URI1: variants seen among roughly 807,000 people sequenced by gnomAD.
The protein encoded by URI1 is unconventional prefoldin RPB5 interactor 1.
Under a neutral mutation model 60.2 loss-of-function variants are expected in URI1, and 39 were observed. The observed-to-expected ratio is 0.65, with a 90% CI of 0.50 to 0.85. The LOEUF (loss-of-function observed/expected upper bound fraction) is 0.85, where lower values mean the gene tolerates loss of function less well. Ranked by LOEUF, URI1 falls within the 40% of genes least tolerant of loss-of-function variation. URI1 has a pLI of 0.00. For missense variants in URI1, 691 were observed against 665.9 expected (o/e 1.04, Z -0.42); for synonymous variants, 251 against 236.8 (o/e 1.06, Z -0.55).
At chr19:29,952,235 A>G (rs1427690394) in intron 1 of URI1, among the ~76,000 whole-genome samples, 1 of 152,252 alleles carries the variant, frequency 6.6e-6, no homozygotes. Flanking sequence ...TAAACACAGC[A>G]GTTCTCTTTA....
chr19:29,926,991 CT>C (rs1345862888), intron 1 of URI1, among the ~76,000 whole-genome samples: 1 of 152,158 alleles, frequency 6.6e-6, no homozygotes, highest in Non-Finnish European at 1.5e-5. Flanking sequence ...CAAAGACCAG[CT>C]TGTGGGGGCC....
chr19:29,949,443 G>A (rs1311491140), intron 1 of URI1, among the ~76,000 whole-genome samples: 2 of 152,058 alleles, frequency 1.3e-5, no homozygotes, highest in Non-Finnish European at 2.9e-5. Context: ...GCCGGGCAGA[G>A]GGGCTCCTCA....
chr19:29,980,966 T>A (rs2055590357), intron 2 of URI1, among the ~76,000 whole-genome samples: 2 of 151,548 alleles, frequency 1.3e-5, no homozygotes, highest in African/African-American at 4.8e-5. Context: ...GTATTTGCTG[T>A]CTATTTTAAC....
intron 1 of URI1, among the ~76,000 whole-genome samples, chr19:29,942,899 C>T (rs1422074269): frequency 6.6e-6 from 1 of 152,070 alleles, no homozygotes; most frequent in Non-Finnish European, 1.5e-5. Context: ...GAGCTGAAGG[C>T]GTGCGGCAGC....
upstream of URI1, among the ~76,000 whole-genome samples, chr19:29,939,989 T>C: frequency 6.6e-6 from 1 of 152,196 alleles, no homozygotes; most frequent in East Asian, 1.9e-4. Flanking sequence ...CTGATCCCCT[T>C]TGAAAAGCTC....
upstream of URI1, chr19:29,942,191 G>GGGGCGGGGCCTGCGCGCTTGCTTC: frequency 1.0e-6 from 1 of 983,200 alleles, no homozygotes; most frequent in Non-Finnish European, 1.2e-6. Flanking sequence ...GGGCGTGTCG[G>GGGGCGGGGCCTGCGCGCTTGCTTC]GGGCGGGGCC....
chr19:29,952,541 A>G lies in URI1; in HGVS notation c.117+9877A>G, dbSNP rs187923623. Among the ~76,000 whole-genome samples the G allele has an allele frequency of 3.0e-3, 456 of 152,332 alleles. 2 individuals carry two copies. The highest frequency in any genetic ancestry group is 0.01 in the African/African-American group (425 of 41,570). ...TTTCTTCTAGGACTTAAAACAATACAAAGATAAACCATTACAGAATGCCTG... is the reference window on the plus strand; with the variant it reads ...TTTCTTCTAGGACTTAAAACAATACGAAGATAAACCATTACAGAATGCCTG... On this transcript the variant is annotated intron_variant, in intron 1 of 10. Coordinates refer to ENST00000392271, the MANE Select transcript of URI1 (RefSeq NM_003796.3).
At chr19:29,990,261 T>A (rs993907069) in intron 4 of URI1, among the ~76,000 whole-genome samples, 1 of 152,204 alleles carries the variant, frequency 6.6e-6, no homozygotes, top group African/African-American at 2.4e-5. Flanking sequence ...TTGGTGAGGA[T>A]GTGAAAAAAT....
intron 4 of URI1, among the ~76,000 whole-genome samples, chr19:29,999,615 G>A (rs2055853426): frequency 6.6e-6 from 1 of 151,788 alleles, no homozygotes; most frequent in Admixed American, 6.6e-5. Flanking sequence ...TCTCTTTGTT[G>A]TTGTTCAACA....
chr19:29,961,527 A>G lies in URI1; in HGVS notation c.118-9666A>G, dbSNP rs569366067. 4.6e-5 allele frequency among the ~76,000 whole-genome samples: 7 copies of G among 152,252 alleles called. No individual in the cohort carries two copies. In the South Asian group the frequency reaches 1.5e-3, roughly 32 times the overall value. On this transcript the variant is annotated intron_variant, in intron 1 of 10. Transcript: ENST00000392271. ...GCTGAATAATATTCCATTGTATTAT[A>G]GAATGTATTATGCAGTGTATTATAC...
intron 4 of URI1, among the ~76,000 whole-genome samples, chr19:29,998,773 T>G (rs149990575): frequency 3.9e-5 from 6 of 152,296 alleles, no homozygotes; most frequent in Non-Finnish European, 7.4e-5. Flanking sequence ...TGCCAATTTA[T>G]GCTTTTTGAT....
At position 30,012,493 on chromosome 19, in the gene URI1, A is replaced by G; in HGVS notation, c.1387A>G (p.Asn463Asp). The G allele has an allele frequency of 6.2e-7, 1 of 1,614,200 alleles. No homozygotes were observed. The highest frequency in any genetic ancestry group is 8.5e-7 in the Non-Finnish European group (1 of 1,180,022). The part of the protein sequence containing the change: ...ESILEEEPQE[N>D]QKKLLPLSVT... Reference sequence around the variant, plus strand: ...CATTTTGGAAGAGGAACCACAAGAAAATCAAAAGAAACTTTTGCCCTTATC... The same window carrying G: ...CATTTTGGAAGAGGAACCACAAGAAGATCAAAAGAAACTTTTGCCCTTATC... The change falls in exon 10 of 11, where the codon AAT becomes GAT. Residue 463 changes from asparagine (N) to aspartate (D), a missense_variant. Asn to Asp is a conservative substitution (Grantham distance 23). Coordinates refer to ENST00000392271, the MANE Select transcript of URI1 (RefSeq NM_003796.3).
At chr19:29,946,469 A>G (rs772827590) in intron 1 of URI1, among the ~76,000 whole-genome samples, 17 of 152,196 alleles carry the variant, frequency 1.1e-4, no homozygotes, top group Admixed American at 5.9e-4. Context: ...TGGATCCAGT[A>G]TCGTTTTTAT....
At chr19:29,989,667 C>T (rs1171442260) in intron 4 of URI1, among the ~76,000 whole-genome samples, 2 of 152,064 alleles carry the variant, frequency 1.3e-5, no homozygotes, top group South Asian at 2.1e-4. Flanking sequence ...ATGATCTGTC[C>T]GCCTTGTGGT....
chr19:29,999,057 A>G (rs995099883), intron 4 of URI1, among the ~76,000 whole-genome samples: 8 of 152,136 alleles, frequency 5.3e-5, no homozygotes, highest in African/African-American at 1.2e-4. Flanking sequence ...CTTAACTTCA[A>G]TCACATACAG....
rs183706728 is a variant in URI1, at chr19:29,975,103, A to G, written c.152+3876A>G. Among the ~76,000 whole-genome samples, 559 of 152,118 alleles carry G rather than the reference A, an allele frequency of 3.7e-3. 3 individuals are homozygous for G. The highest frequency in any genetic ancestry group is 0.013 in the African/African-American group (538 of 41,502). On this transcript the variant is annotated intron_variant, in intron 2 of 10. Transcript: ENST00000392271. ...TTTTTTGGGTGGTCTGTATTCAGTA[A>G]TGGATTGCTGGGTTGAATGGTTGTT... is the stretch of plus-strand genomic sequence containing the variant.
chr19:29,955,145 T>C (rs2055229121), intron 1 of URI1, among the ~76,000 whole-genome samples: 2 of 151,834 alleles, frequency 1.3e-5, no homozygotes, highest in South Asian at 4.2e-4. Flanking sequence ...TTTAATTTTT[T>C]AGTAGAGACG....
At chr19:30,001,629 C>T (rs997242293) in intron 4 of URI1, among the ~76,000 whole-genome samples, 1 of 151,888 alleles carries the variant, frequency 6.6e-6, no homozygotes, top group Non-Finnish European at 1.5e-5. Context: ...TTAAAGTTCA[C>T]TCTTCTTTTG....
chr19:30,011,255 T>C lies in URI1; in HGVS notation c.1178+19T>C, dbSNP rs762521043. ...TTTACAGGTGGGAGGCGCTCACAGC[T>C]GCAGGGCAGTCTGCTGGGCTTGCCT... On this transcript the variant is annotated intron_variant, in intron 9 of 10. Transcript: ENST00000392271. 4 of 1,580,534 alleles carry C rather than the reference T, an allele frequency of 2.5e-6. No homozygotes were observed. Among genetic ancestry groups the C allele is most frequent in the Non-Finnish European group, 3.4e-6 (4 of 1,168,214 alleles).
Sources: allele counts gnomAD v4.1 joint callset (sites outside exome capture counted in the v4.1 genomes callset), GRCh38; gene constraint gnomAD v4.1.1; transcripts MANE v1.5; gene names NCBI Gene and HGNC (gene_info 2026-07-23, HGNC 2026-07-21).